COL11A2: variants seen among roughly 807,000 people sequenced by gnomAD.
The protein encoded by COL11A2 is collagen alpha-2(XI) chain.
A neutral mutation model predicts 273.4 loss-of-function variants in COL11A2; 116 were observed. That is an observed-to-expected ratio of 0.42 (90% CI 0.36 to 0.49). The LOEUF (loss-of-function observed/expected upper bound fraction) is 0.49. COL11A2 is among the 20% of genes least tolerant of loss of function. The pLI is 0.00. For missense variants in COL11A2, 1,866 were observed against 2,309.0 expected, an observed-to-expected ratio of 0.81 and a Z score of 3.93; for synonymous variants, 782 against 864.2, an observed-to-expected ratio of 0.90 and a Z score of 1.67.
At chr6:33,171,055 G>C (rs1769972930) in intron 45 of COL11A2, 59 bp downstream of exon 45, 5 of 1,575,404 alleles carry the variant, frequency 3.2e-6, no homozygotes, top group Non-Finnish European at 2.6e-6. Context: ...AGGGCAGAGG[G>C]GAGCTGAGGG....
At chr6:33,188,246 A>G (rs577029196) in intron 4 of COL11A2, 116 bp downstream of exon 4, 3 of 1,273,072 alleles carry the variant, frequency 2.4e-6, no homozygotes, top group Non-Finnish European at 2.3e-6. Context: ...ATGAAAATTC[A>G]TAAGAAAAAA....
chr6:33,189,244 C>G lies in COL11A2; in HGVS notation c.233-56G>C. 6.2e-7 allele frequency: 1 copy of G among 1,613,362 alleles called. No individual in the cohort carries two copies. Among genetic ancestry groups the G allele is most frequent in the Non-Finnish European group, 8.5e-7 (1 of 1,179,512 alleles). ...AGAGGCAAAGGGAGCCGCCACAACC[C>G]CTTTCCTCCTGGTGTCTGATCCTAG... On this transcript the variant is annotated intron_variant, in intron 2 of 65. Transcript: ENST00000341947. This position sits in a 1 kb window ranked among gnomAD's most constrained non-coding sequence, Gnocchi z 5.6.
Position 33,177,190 on chromosome 6 carries a change from A to C in COL11A2, c.2007T>G (p.His669Gln), listed in dbSNP as rs761911322. The C allele has an allele frequency of 6.2e-7, 1 of 1,612,926 alleles. No homozygotes were observed. Among genetic ancestry groups the C allele is most frequent in the Non-Finnish European group, 8.5e-7 (1 of 1,179,950 alleles). ...LPGPQGAIGPHGEKGPQGKPG... is the reference protein window; with the variant it reads ...LPGPQGAIGPQGEKGPQGKPG... ...TCACTTAGTCACTTACCTTCTCTCC[A>C]TGAGGGCCGATGGCACCCTGGGGCC... Residue 669 changes from histidine (H) to glutamine (Q), a missense_variant, in exon 24 of 66, where the codon CAT (histidine) becomes CAG (glutamine). His to Gln is a conservative substitution (Grantham distance 24). Coordinates refer to ENST00000341947, the MANE Select transcript of COL11A2 (RefSeq NM_080680.3). The surrounding 1 kb of genome is among the most constrained non-coding windows in gnomAD (Gnocchi z 5.9).
intron 44 of COL11A2, 50 bp from the exon 45 acceptor site, chr6:33,171,217 G>T (rs1174482531): frequency 6.2e-7 from 1 of 1,614,004 alleles, no homozygotes; most frequent in African/African-American, 1.3e-5. Context: ...GAGAGATCAG[G>T]TGGGACTGAG....
intron 4 of COL11A2, among the ~76,000 whole-genome samples, chr6:33,187,102 C>G (rs887152611): frequency 6.6e-6 from 1 of 152,212 alleles, no homozygotes; most frequent in Non-Finnish European, 1.5e-5. Flanking sequence ...CAAGGTCACC[C>G]AGAGTGGCAG....
At position 33,180,718 on chromosome 6, in the gene COL11A2, G is replaced by T. The variant is rs1422068921; in HGVS notation, c.1234C>A (p.Pro412Thr). 1 of 1,611,240 alleles carries T rather than the reference G, an allele frequency of 6.2e-7. No individual in the cohort carries two copies. Among genetic ancestry groups the T allele is most frequent in the Non-Finnish European group, 8.5e-7 (1 of 1,179,154 alleles). ...CCTGGGTTCCCCTGGATGCCAGGGG[G>T]ACCAATCAATCCCTGAGGAACAAAA... The part of the protein sequence containing the change: ...GPEGPAGLIG[P>T]PGIQGNPGPV... The change falls in exon 11 of 66, where the codon CCC (proline) becomes ACC (threonine). Residue 412 changes from proline to threonine, a missense_variant. By Grantham distance (38) the Pro-to-Thr change is conservative. Coordinates refer to ENST00000341947, the MANE Select transcript of COL11A2 (RefSeq NM_080680.3).
rs1249852295 is a variant in COL11A2 at position 33,173,120 on chromosome 6, G to A, written c.2737-7C>T. 20 of 1,610,556 alleles carry A rather than the reference G, an allele frequency of 1.2e-5. No homozygotes were observed. Among genetic ancestry groups the A allele is most frequent in the Admixed American group, 3.4e-5 (2 of 59,698 alleles). ...CGGTCTTCCCTTGGAAACCCTAGGC[G>A]AGGAAGAGAGGAGAATGCAGTGAAA... is the stretch of plus-strand genomic sequence containing the variant. On this transcript the variant is annotated splice_region_variant and splice_polypyrimidine_tract_variant and intron_variant, in intron 37 of 65. Coordinates refer to ENST00000341947, the MANE Select transcript of COL11A2 (RefSeq NM_080680.3). This position sits in a 1 kb window ranked among gnomAD's most constrained non-coding sequence, Gnocchi z 6.3.
chr6:33,177,945 C>T lies in COL11A2; in HGVS notation c.1872+187G>A. On this transcript the variant is annotated intron_variant, in intron 21 of 65. Transcript: ENST00000341947. This position sits in a 1 kb window ranked among gnomAD's most constrained non-coding sequence, Gnocchi z 5.9. ...GCCCAGAGCCCTCAGGGCACCACGC[C>T]ACATGGCCCTCCCTGTGCACGGGGA... is the stretch of plus-strand genomic sequence containing the variant. The T allele has an allele frequency of 1.3e-6, 1 of 783,636 alleles. No individual in the cohort carries two copies. Among genetic ancestry groups the T allele is most frequent in the South Asian group, 1.7e-5 (1 of 57,962 alleles). The allele number at this position is 783,636 out of a possible 1,614,324, so 48.5% of individuals were successfully genotyped here. A position where few individuals can be genotyped will look rare whatever the true frequency, so the allele number is the denominator to read the frequency against.
rs1769792721 is a variant in COL11A2 at position 33,169,970 on chromosome 6, C to A, written c.3636+77G>T. On this transcript the variant is annotated intron_variant, in intron 49 of 65. Coordinates refer to ENST00000341947, the MANE Select transcript of COL11A2 (RefSeq NM_080680.3). This position sits in a 1 kb window ranked among gnomAD's most constrained non-coding sequence, Gnocchi z 5.5. ...CCCCACATCTCATTCTCTTTTGTCT[C>A]CCCACCCAAAATTGGCAGAAATCCA... 1.2e-6 allele frequency: 2 copies of A among 1,612,284 alleles called. No homozygotes were observed. The highest frequency in any genetic ancestry group is 2.2e-5 in the South Asian group (2 of 91,050).
rs1386502286 is a variant in COL11A2, at chr6:33,189,054, G to T, written c.367C>A (p.Leu123Met). Residue 123 changes from leucine (L) to methionine (M), a missense_variant, in exon 3 of 66, where the codon CTG becomes ATG. Leu to Met is a conservative substitution (Grantham distance 15). Transcript: ENST00000341947. This position sits in a 1 kb window ranked among gnomAD's most constrained non-coding sequence, Gnocchi z 5.6. ...GGCCGCCCAGTCTGGTCTTCATACA[G>T]GAAGCGGACAGGTCGGCCCAGCTCC... ...GLELGRPVRFLYEDQTGRPQP... is the reference protein window; with the variant it reads ...GLELGRPVRFMYEDQTGRPQP... The T allele has an allele frequency of 6.2e-7, 1 of 1,614,106 alleles. No individual in the cohort carries two copies. Among genetic ancestry groups the T allele is most frequent in the African/African-American group, 1.3e-5 (1 of 74,926 alleles).
At chr6:33,171,055 G>A in intron 45 of COL11A2, 59 bp downstream of exon 45, 2 of 1,575,404 alleles carry the variant, frequency 1.3e-6, no homozygotes, top group Non-Finnish European at 8.6e-7. Flanking sequence ...AGGGCAGAGG[G>A]GAGCTGAGGG....
chr6:33,163,957 A>G lies in COL11A2; in HGVS notation c.5071-139T>C, dbSNP rs2257126. ...CAGGATGTACAGACTGGCAGTGTCT[A>G]TGTGCCCATGCGTGTGTGTTTGCTT... On this transcript the variant is annotated intron_variant, in intron 65 of 65. Coordinates refer to ENST00000341947, the MANE Select transcript of COL11A2 (RefSeq NM_080680.3). The surrounding 1 kb of genome is among the most constrained non-coding windows in gnomAD (Gnocchi z 4.1). 0.7 allele frequency: 904,515 copies of G among 1,296,340 alleles called. 320,609 individuals carry two copies. Among genetic ancestry groups the G allele is most frequent in the East Asian group, 0.98 (40,329 of 41,078 alleles). The allele number at this position is 1,296,340 out of a possible 1,614,324, so 80.3% of individuals were successfully genotyped here. A position where few individuals can be genotyped will look rare whatever the true frequency, so the allele number is the denominator to read the frequency against.
chr6:33,172,797 T>A (rs889249554), intron 38 of COL11A2, among the ~76,000 whole-genome samples, 160 bp from the exon 39 acceptor site: 1 of 152,098 alleles, frequency 6.6e-6, no homozygotes, highest in African/African-American at 2.4e-5. Flanking sequence ...ACTGCTGGGT[T>A]TTCTCCTGCC....
chr6:33,187,221 G>T (rs1772547331), intron 4 of COL11A2, among the ~76,000 whole-genome samples: 1 of 152,198 alleles, frequency 6.6e-6, no homozygotes, highest in African/African-American at 2.4e-5. Flanking sequence ...CTCAGCTTTA[G>T]ATGCCTTGGC....
Position 33,178,195 on chromosome 6 carries a change from C to T in COL11A2, c.1819-10G>A, listed in dbSNP as rs3129202. ...GGAGACCTCGAGGTCCCTGCATTCACGGTGAGGGGAGGAGACGGCATGAAT... is the reference window on the plus strand; with the variant it reads ...GGAGACCTCGAGGTCCCTGCATTCATGGTGAGGGGAGGAGACGGCATGAAT... On this transcript the variant is annotated splice_polypyrimidine_tract_variant and intron_variant, in intron 20 of 65. Coordinates refer to ENST00000341947, the MANE Select transcript of COL11A2 (RefSeq NM_080680.3). The surrounding 1 kb of genome is among the most constrained non-coding windows in gnomAD (Gnocchi z 4.6). The T allele has an allele frequency of 4.0e-4, 646 of 1,611,308 alleles. No homozygotes were observed. The highest frequency in any genetic ancestry group is 4.6e-4 in the Non-Finnish European group (538 of 1,178,826).
Position 33,171,836 on chromosome 6 carries a change from G to A in COL11A2, c.3043-16C>T, listed in dbSNP as rs1770125791. ...CAGGGGAGCCCTGAGAAAGCAGATG[G>A]TCAGACCCCCAGGAAGGAGACACCA... On this transcript the variant is annotated splice_polypyrimidine_tract_variant and intron_variant, in intron 41 of 65. Transcript: ENST00000341947. The A allele has an allele frequency of 1.2e-6, 2 of 1,611,926 alleles. No individual in the cohort carries two copies. Among genetic ancestry groups the A allele is most frequent in the East Asian group, 4.5e-5 (2 of 44,840 alleles).
intron 6 of COL11A2, 140 bp downstream of exon 6, chr6:33,185,561 C>A (rs1276316048): frequency 6.4e-6 from 3 of 468,454 alleles, no homozygotes; most frequent in Non-Finnish European, 4.3e-6. Flanking sequence ...AGGGAGGGGG[C>A]AGGAACTAAG....
rs144992893 is a variant in COL11A2, at chr6:33,176,993, G to A, written c.2069C>T (p.Pro690Leu). 2.3e-5 allele frequency: 37 copies of A among 1,610,670 alleles called. No individual in the cohort carries two copies. In the Admixed American group the frequency reaches 2.5e-4, roughly 11 times the overall value. The change falls in exon 25 of 66, where the codon CCG (proline) becomes CTG (leucine). Residue 690 changes from proline (P) to leucine (L), a missense_variant and splice_region_variant. Pro to Leu is a moderately conservative substitution (Grantham distance 98). Coordinates refer to ENST00000341947, the MANE Select transcript of COL11A2 (RefSeq NM_080680.3). This position sits in a 1 kb window ranked among gnomAD's most constrained non-coding sequence, Gnocchi z 4.9. The stretch of plus-strand genomic sequence containing the variant: ...ATTCGGAAGTGGGGTCCCACTCACC[G>A]GGGGTCCGTCTGAGCCAGGCATGCC... ...LPGMPGSDGP[P>L]GHPGKEGPPG...
rs1204200783 is a variant in COL11A2, at chr6:33,189,926, C to G, written c.83-457G>C. Among the ~76,000 whole-genome samples, 34 of 152,156 alleles carry G rather than the reference C, an allele frequency of 2.2e-4. No individual in the cohort carries two copies. The highest frequency in any genetic ancestry group is 1.8e-4 in the Non-Finnish European group (12 of 68,044). On this transcript the variant is annotated intron_variant, in intron 1 of 65. Coordinates refer to ENST00000341947, the MANE Select transcript of COL11A2 (RefSeq NM_080680.3). The surrounding 1 kb of genome is among the most constrained non-coding windows in gnomAD (Gnocchi z 5.6). ...TCTTTTTCTCTCCCTCGCTCTCACTCTCTTTCCATATCTCTCACTCTCTGG... is the reference window on the plus strand; with the variant it reads ...TCTTTTTCTCTCCCTCGCTCTCACTGTCTTTCCATATCTCTCACTCTCTGG...
Sources: allele counts gnomAD v4.1 joint callset (sites outside exome capture counted in the v4.1 genomes callset), GRCh38; gene constraint gnomAD v4.1.1; non-coding constraint Gnocchi (gnomAD v3.1); transcripts MANE v1.5; gene names NCBI Gene and HGNC (gene_info 2026-07-23, HGNC 2026-07-21).